The following RBFOX1 variants were observed in gnomAD, a reference collection of about 807,000 sequenced individuals.
RBFOX1 encodes the protein RNA binding protein fox-1 homolog 1.
Under a neutral mutation model 57.7 loss-of-function variants are expected in RBFOX1, and 8 were observed. That is an observed-to-expected ratio of 0.14 (90% CI 0.08 to 0.25). The LOEUF is 0.25. Among genes scored for constraint, RBFOX1 ranks in the 10% least tolerant of loss-of-function variants. The pLI, the probability that RBFOX1 is intolerant of heterozygous loss-of-function variation, is 1.00. For synonymous variants in RBFOX1, 326 were observed against 222.4 expected (o/e 1.47, Z -4.15); for missense variants, 611 against 548.5 (o/e 1.11, Z -1.14).
At chr16:5,775,650 G>T (rs150681456) in intron 3 of RBFOX1, among the ~76,000 whole-genome samples, 116 of 152,286 alleles carry the variant, frequency 7.6e-4, no homozygotes, top group East Asian at 5.4e-3. Context: ...CATGGCCTCA[G>T]TGCCACTTCA....
chr16:7,671,319 C>T (rs906035655), intron 13 of RBFOX1, among the ~76,000 whole-genome samples: 5 of 152,152 alleles, frequency 3.3e-5, no homozygotes, highest in Non-Finnish European at 7.3e-5. Context: ...CAAGTTATAA[C>T]ACAAAGTGGT....
chr16:5,426,698 T>G (rs2067571316), intron 1 of RBFOX1, among the ~76,000 whole-genome samples: 1 of 152,254 alleles, frequency 6.6e-6, no homozygotes, highest in Non-Finnish European at 1.5e-5. Flanking sequence ...TTCTTGTGGC[T>G]GTTTTTTCTG....
At chr16:7,276,924 T>C (rs2095451370) in intron 4 of RBFOX1, among the ~76,000 whole-genome samples, 1 of 152,200 alleles carries the variant, frequency 6.6e-6, no homozygotes, top group African/African-American at 2.4e-5. Flanking sequence ...GTTTGATGCG[T>C]CCCAGCAAAG....
chr16:6,183,122 G>A (rs1364759925), intron 1 of RBFOX1, among the ~76,000 whole-genome samples: 1 of 152,080 alleles, frequency 6.6e-6, no homozygotes, highest in East Asian at 1.9e-4. Flanking sequence ...TGGGTGTCAG[G>A]TGGCATGTGA....
chr16:6,680,176 G>A (rs1419795866), intron 3 of RBFOX1, among the ~76,000 whole-genome samples: 1 of 151,714 alleles, frequency 6.6e-6, no homozygotes, highest in Non-Finnish European at 1.5e-5. Context: ...AGATAGAATA[G>A]CAATTTCGTA....
intron 5 of RBFOX1, among the ~76,000 whole-genome samples, chr16:7,524,278 G>C (rs1273590408): frequency 6.6e-6 from 1 of 152,182 alleles, no homozygotes; most frequent in Non-Finnish European, 1.5e-5. Context: ...GATGCACCCA[G>C]AGCTCCCAAC....
At chr16:5,308,323 T>C (rs1030861359) in intron 1 of RBFOX1, among the ~76,000 whole-genome samples, 1 of 107,396 alleles carries the variant, frequency 9.3e-6, no homozygotes, top group Non-Finnish European at 1.8e-5. Context: ...TGAGGCTCTG[T>C]CTAAAAAAAA....
chr16:7,173,737 A>G (rs534058863), intron 4 of RBFOX1, among the ~76,000 whole-genome samples: 1 of 152,368 alleles, frequency 6.6e-6, no homozygotes, highest in Admixed American at 6.5e-5. Context: ...AACTAATTCC[A>G]TAGGCCCATC....
rs139270776 is a variant in RBFOX1, at chr16:6,839,394, G to A, written c.-16+184744G>A. Among the ~76,000 whole-genome samples, 37 of 152,324 alleles carry A rather than the reference G, an allele frequency of 2.4e-4. No individual in the cohort carries two copies. In the East Asian group the frequency reaches 4.8e-3, roughly 20 times the overall value. On this transcript the variant is annotated intron_variant, in intron 3 of 15. Transcript: ENST00000550418. ...AGGCTGAGGTTAGGTTGTCAGCTGCGTCACTGCTGTGGAAACATCGACAGA... is the reference window on the plus strand; with the variant it reads ...AGGCTGAGGTTAGGTTGTCAGCTGCATCACTGCTGTGGAAACATCGACAGA...
At chr16:7,312,809 C>T (rs1874865526) in intron 4 of RBFOX1, among the ~76,000 whole-genome samples, 1 of 152,172 alleles carries the variant, frequency 6.6e-6, no homozygotes, top group African/African-American at 2.4e-5. Flanking sequence ...ATGCCAGAGA[C>T]TTGGGCACAC....
chr16:6,410,374 C>T (rs2534736), intron 2 of RBFOX1, among the ~76,000 whole-genome samples: 12,779 of 143,968 alleles, frequency 0.089, 1,578 homozygotes, highest in African/African-American at 0.28. Context: ...GGCAGTGGCG[C>T]GAACTTGACT....
intron 2 of RBFOX1, chr16:6,573,935 G>A (rs2097383261): frequency 6.6e-6 from 1 of 152,220 alleles, no homozygotes; most frequent in South Asian, 2.1e-4. Context: ...AAGCCATACT[G>A]GCCTCCCTCG....
At chr16:7,133,410 T>A (rs1354845028) in intron 4 of RBFOX1, among the ~76,000 whole-genome samples, 1 of 152,168 alleles carries the variant, frequency 6.6e-6, no homozygotes, top group Non-Finnish European at 1.5e-5. Context: ...AATGGTCATG[T>A]TTTTCCAAAG....
At chr16:7,171,808 A>G (rs894427756) in intron 4 of RBFOX1, among the ~76,000 whole-genome samples, 16 of 152,162 alleles carry the variant, frequency 1.1e-4, no homozygotes, top group African/African-American at 1.9e-4. Context: ...TGGCTTGGCC[A>G]TTGTCTTTTT....
chr16:6,323,684 A>T (rs1208629484), intron 2 of RBFOX1, among the ~76,000 whole-genome samples: 1 of 152,030 alleles, frequency 6.6e-6, no homozygotes, highest in East Asian at 1.9e-4. Context: ...AACATTATTT[A>T]TATGTTTATT....
At chr16:6,784,785 G>C (rs2081639793) in intron 3 of RBFOX1, among the ~76,000 whole-genome samples, 1 of 151,890 alleles carries the variant, frequency 6.6e-6, no homozygotes, top group Non-Finnish European at 1.5e-5. Context: ...TAAATCCCTG[G>C]AATTTTCTAT....
At chr16:5,813,195 A>G (rs1321265763) in intron 3 of RBFOX1, among the ~76,000 whole-genome samples, 2 of 151,906 alleles carry the variant, frequency 1.3e-5, no homozygotes, top group African/African-American at 4.8e-5. Context: ...TTTAGTAGAG[A>G]CGGGGTTTCA....
chr16:6,688,039 G>C (rs1415357974), intron 3 of RBFOX1, among the ~76,000 whole-genome samples: 1 of 152,164 alleles, frequency 6.6e-6, no homozygotes, highest in Non-Finnish European at 1.5e-5. Flanking sequence ...TGTTGTATTA[G>C]TCCATTCTTG....
At chr16:6,105,189 C>A (rs1213485970) in intron 1 of RBFOX1, among the ~76,000 whole-genome samples, 4 of 152,180 alleles carry the variant, frequency 2.6e-5, no homozygotes, top group African/African-American at 9.7e-5. Flanking sequence ...TGTGGGACCA[C>A]CCTCCATTTT....
Sources: allele counts gnomAD v4.1 joint callset (sites outside exome capture counted in the v4.1 genomes callset), GRCh38; gene constraint gnomAD v4.1.1; transcripts MANE v1.5; gene names NCBI Gene and HGNC (gene_info 2026-07-23, HGNC 2026-07-21).